The following DPYSL3 variants were observed in gnomAD, a reference collection of about 807,000 sequenced individuals.
The protein encoded by DPYSL3 is dihydropyrimidinase like 3, also known as dihydropyrimidinase-related protein 3.
DPYSL3 carries 16 observed loss-of-function variants against 66.1 expected under a neutral mutation model. The ratio of observed to expected loss-of-function variants is 0.24; its 90% CI spans 0.16 to 0.37. The LOEUF (loss-of-function observed/expected upper bound fraction) is 0.37. Ranked by LOEUF, DPYSL3 falls within the 10% of genes least tolerant of loss-of-function variation. The probability of loss-of-function intolerance (pLI) is 1.00; values close to 1 mark genes in which losing one functional copy is unlikely to be tolerated. For missense variants in DPYSL3, 738 were observed against 916.2 expected (o/e 0.81, Z 2.51); for synonymous variants, 338 against 345.1 (o/e 0.98, Z 0.23).
At chr5:147,468,936 T>G (rs772135840) in intron 1 of DPYSL3, among the ~76,000 whole-genome samples, 112 of 152,168 alleles carry the variant, frequency 7.4e-4, no homozygotes, top group Non-Finnish European at 1.1e-3. Flanking sequence ...CATATTAAAT[T>G]TTTTTCAAGT....
intron 1 of DPYSL3, among the ~76,000 whole-genome samples, chr5:147,448,414 A>G (rs970554758): frequency 6.6e-6 from 1 of 152,248 alleles, no homozygotes; most frequent in Non-Finnish European, 1.5e-5. Context: ...ACAACAAAAA[A>G]GTTTTTATAT....
intron 1 of DPYSL3, among the ~76,000 whole-genome samples, chr5:147,458,897 T>C (rs2126407389): frequency 6.6e-6 from 1 of 152,108 alleles, no homozygotes. Flanking sequence ...GTGAACATAC[T>C]GAAGATTAAA....
intron 1 of DPYSL3, among the ~76,000 whole-genome samples, chr5:147,467,632 C>T (rs548150557): frequency 3.9e-5 from 6 of 152,302 alleles, no homozygotes; most frequent in Admixed American, 1.3e-4. Flanking sequence ...TACCTCACAG[C>T]TACAAACAAT....
In DPYSL3 at chr5:147,392,308, G is replaced by A. The variant is rs1326765463; in HGVS notation, c.*1727C>T. On this transcript the variant is annotated 3_prime_UTR_variant, in exon 14 of 14. Coordinates refer to ENST00000343218, the MANE Select transcript of DPYSL3 (RefSeq NM_001197294.2). ...GTCTTTTTTCATGATTTGAACAGAA[G>A]GTAGCTTGCTAGGGGAAATCCTGTT... The A allele has an allele frequency of 6.6e-6, 1 of 152,182 alleles. No individual in the cohort carries two copies. Among genetic ancestry groups the A allele is most frequent in the Non-Finnish European group, 1.5e-5 (1 of 68,030 alleles). 9.4% of individuals were successfully genotyped at this position (152,182 alleles called of 1,614,324 possible).
chr5:147,428,950 C>G (rs187494712), intron 1 of DPYSL3, among the ~76,000 whole-genome samples: 194 of 152,088 alleles, frequency 1.3e-3, no homozygotes, highest in African/African-American at 4.5e-3. Flanking sequence ...TACATGTATC[C>G]CAGAACTTAA....
At chr5:147,400,518 C>A (rs886828796) in intron 10 of DPYSL3, among the ~76,000 whole-genome samples, 174 bp downstream of exon 10, 1 of 152,206 alleles carries the variant, frequency 6.6e-6, no homozygotes, top group African/African-American at 2.4e-5. Flanking sequence ...GGATTCATCA[C>A]ACTAGAAGGA....
chr5:147,478,975 G>A (rs1753200292), intron 1 of DPYSL3, among the ~76,000 whole-genome samples: 1 of 152,030 alleles, frequency 6.6e-6, no homozygotes, highest in East Asian at 1.9e-4. Context: ...TCTTTATCAA[G>A]TATTTGCACA....
At chr5:147,502,959 C>G (rs1468368960) in intron 1 of DPYSL3, among the ~76,000 whole-genome samples, 1 of 152,164 alleles carries the variant, frequency 6.6e-6, no homozygotes, top group Non-Finnish European at 1.5e-5. Context: ...TATTCACAAG[C>G]TACTGGCCCA....
At chr5:147,422,935 G>A (rs1353344673) in intron 2 of DPYSL3, among the ~76,000 whole-genome samples, 1 of 152,004 alleles carries the variant, frequency 6.6e-6, no homozygotes, top group Non-Finnish European at 1.5e-5. Context: ...AAACCACCAT[G>A]GCACATGTAT....
intron 1 of DPYSL3, among the ~76,000 whole-genome samples, chr5:147,475,046 C>G (rs747525297): frequency 8.6e-5 from 13 of 151,944 alleles, no homozygotes; most frequent in Admixed American, 4.6e-4. Flanking sequence ...TTGGCAGTTT[C>G]CCAAAAGACT....
intron 1 of DPYSL3, among the ~76,000 whole-genome samples, chr5:147,505,111 T>C (rs1054916071): frequency 6.6e-6 from 1 of 152,166 alleles, no homozygotes; most frequent in African/African-American, 2.4e-5. Flanking sequence ...TGCCGAGGAT[T>C]TTAGTAACAT....
chr5:147,443,492 G>T (rs1345006324), intron 1 of DPYSL3, among the ~76,000 whole-genome samples: 1 of 151,950 alleles, frequency 6.6e-6, no homozygotes, highest in Non-Finnish European at 1.5e-5. Context: ...GGTTGGGGGG[G>T]TGATGGGAGG....
At chr5:147,473,339 A>G (rs2126425811) in intron 1 of DPYSL3, 1 of 152,272 alleles carries the variant, frequency 6.6e-6, no homozygotes, top group African/African-American at 2.4e-5. Flanking sequence ...TTCCTCAGTA[A>G]TAAACCTGAA....
Position 147,405,853 on chromosome 5 carries a change from G to A in DPYSL3, c.1033-123C>T, listed in dbSNP as rs1758313624. ...GTTATGGATAATTTTGGCAGGATCT[G>A]GAATTAGATAGCCTATATCCACATC... On this transcript the variant is annotated intron_variant, in intron 7 of 13. Coordinates refer to ENST00000343218, the MANE Select transcript of DPYSL3 (RefSeq NM_001197294.2). The A allele has an allele frequency of 3.1e-6, 4 of 1,294,352 alleles. No homozygotes were observed. In the African/African-American group the frequency reaches 4.5e-5, roughly 14 times the overall value. The allele number at this position is 1,294,352 out of a possible 1,614,324, so 80.2% of individuals were successfully genotyped here.
chr5:147,458,067 G>A (rs962309305), intron 1 of DPYSL3, among the ~76,000 whole-genome samples: 2 of 152,150 alleles, frequency 1.3e-5, no homozygotes, highest in Non-Finnish European at 2.9e-5. Context: ...TGATTATCTG[G>A]CAGTGTCAGA....
chr5:147,454,045 G>C (rs1169088268), intron 1 of DPYSL3: 1 of 153,656 alleles, frequency 6.5e-6, no homozygotes, highest in Non-Finnish European at 1.4e-5. Flanking sequence ...GCCACCAGGG[G>C]GCGCGAGGGG....
In DPYSL3 at chr5:147,418,509, G is replaced by T. The variant is rs1300277747; in HGVS notation, c.593C>A (p.Thr198Asn). The change falls in exon 3 of 14, where the codon ACC (threonine) becomes AAC (asparagine). Residue 198 changes from threonine (T) to asparagine (N), a missense_variant. By Grantham distance (65) the Thr-to-Asn change is moderately conservative (BLOSUM62 0). Coordinates refer to ENST00000343218, the MANE Select transcript of DPYSL3 (RefSeq NM_001197294.2). Reference sequence around the variant, plus strand: ...CCCTTGGAAGAAGTCATCTACTGTGGTCATTCCCTTATATGGCATCTGGAA... The same window carrying T: ...CCCTTGGAAGAAGTCATCTACTGTGTTCATTCCCTTATATGGCATCTGGAA... ...THFQMPYKGM[T>N]TVDDFFQGTK... The T allele has an allele frequency of 6.2e-7, 1 of 1,613,584 alleles. No individual in the cohort carries two copies. Among genetic ancestry groups the T allele is most frequent in the Admixed American group, 1.7e-5 (1 of 59,968 alleles).
chr5:147,394,587 A>C (rs1372151676), intron 13 of DPYSL3, among the ~76,000 whole-genome samples: 1 of 151,718 alleles, frequency 6.6e-6, no homozygotes, highest in Non-Finnish European at 1.5e-5. Flanking sequence ...TCTTTGTGAC[A>C]ACAGCACAAA....
chr5:147,505,475 A>G (rs1753674640), intron 1 of DPYSL3, among the ~76,000 whole-genome samples: 1 of 152,184 alleles, frequency 6.6e-6, no homozygotes, highest in Non-Finnish European at 1.5e-5. Context: ...ACCTCAAGTG[A>G]TCTGCCCAGC....
Sources: gnomAD v4.1 joint callset for allele counts (sites outside exome capture counted in the v4.1 genomes callset) on GRCh38, gnomAD v4.1.1 for gene constraint, MANE v1.5 for transcripts, NCBI Gene and HGNC (gene_info 2026-07-23, HGNC 2026-07-21) for gene names.